UBAP2L: variants seen among roughly 807,000 people sequenced by gnomAD.
UBAP2L encodes the protein ubiquitin-associated protein 2-like.
In UBAP2L, 12 loss-of-function variants were observed where a neutral mutation model predicts 130.6. The ratio of observed to expected loss-of-function variants is 0.09; its 90% CI spans 0.06 to 0.15. The LOEUF (loss-of-function observed/expected upper bound fraction) is 0.15, where lower values mean the gene tolerates loss of function less well. UBAP2L is among the 10% of genes least tolerant of loss of function. The probability of loss-of-function intolerance (pLI) is 1.00; values close to 1 mark genes in which losing one functional copy is unlikely to be tolerated. For missense variants in UBAP2L, 965 were observed against 1,332.5 expected (o/e 0.72, Z 4.29); for synonymous variants, 503 against 524.7 (o/e 0.96, Z 0.57).
In UBAP2L at chr1:154,270,846, T is replaced by C. The variant is rs1402586878; in HGVS notation, c.*551T>C. On this transcript the variant is annotated 3_prime_UTR_variant, in exon 27 of 27. Transcript: ENST00000428931. The stretch of plus-strand genomic sequence containing the variant: ...CTTGTATATATAAAAAGAAAACCTC[T>C]ACCTTCAGCCTCTGCCTATTCTTGC... 1 of 1,426,202 alleles carries C rather than the reference T, an allele frequency of 7.0e-7. No homozygotes were observed. The highest frequency in any genetic ancestry group is 3.2e-5 in the East Asian group (1 of 31,084). The allele number at this position is 1,426,202 out of a possible 1,614,324, so 88.3% of individuals were successfully genotyped here.
intron 24 of UBAP2L, among the ~76,000 whole-genome samples, chr1:154,264,292 G>A (rs1201280466): frequency 6.6e-6 from 1 of 152,104 alleles, no homozygotes; most frequent in Non-Finnish European, 1.5e-5. Context: ...CCTTTCCCAG[G>A]GGCTGCCATG....
intron 23 of UBAP2L, among the ~76,000 whole-genome samples, 188 bp from the exon 24 acceptor site, chr1:154,261,404 C>T (rs1047220854): frequency 2.6e-5 from 4 of 152,214 alleles, no homozygotes; most frequent in African/African-American, 9.6e-5. Flanking sequence ...TTCCTCCAAA[C>T]TACCATTTCT....
At chr1:154,253,797 A>G in intron 14 of UBAP2L, 103 bp from the exon 15 acceptor site, 2 of 1,219,954 alleles carry the variant, frequency 1.6e-6, no homozygotes, top group Non-Finnish European at 1.1e-6. Flanking sequence ...TTTCTTCTTG[A>G]TTCAAATCAA....
chr1:154,262,150 A>AT (rs1558225902), intron 24 of UBAP2L, among the ~76,000 whole-genome samples: 2 of 152,184 alleles, frequency 1.3e-5, no homozygotes, highest in African/African-American at 4.8e-5. Context: ...TACTTTTCTT[A>AT]TGTGTCCTTT....
chr1:154,251,914 A>T (rs150559650), intron 14 of UBAP2L, among the ~76,000 whole-genome samples: 164 of 152,260 alleles, frequency 1.1e-3, no homozygotes, highest in African/African-American at 3.7e-3. Flanking sequence ...AGGCAGGAGG[A>T]TTGCTTGAGG....
chr1:154,230,927 G>A (rs1328338925), intron 4 of UBAP2L, among the ~76,000 whole-genome samples: 3 of 152,216 alleles, frequency 2.0e-5, no homozygotes, highest in African/African-American at 7.2e-5. Context: ...ACAGTTTCCT[G>A]AAACTTGCCA....
At chr1:154,263,325 A>G in intron 24 of UBAP2L, 2 of 1,421,350 alleles carry the variant, frequency 1.4e-6, no homozygotes, top group Non-Finnish European at 9.1e-7. Context: ...CCCCTCCCCC[A>G]TTTCCCTCTC....
chr1:154,266,793 TG>T (rs149539347), intron 25 of UBAP2L, among the ~76,000 whole-genome samples: 2,527 of 152,270 alleles, frequency 0.017, 79 homozygotes, highest in African/African-American at 0.058. Flanking sequence ...AGGTAAAGCG[TG>T]GCAAATTGTT....
At chr1:154,224,981 TC>T (rs939932375) in intron 1 of UBAP2L, 102 bp from the exon 2 acceptor site, 1 of 662,842 alleles carries the variant, frequency 1.5e-6, no homozygotes, top group African/African-American at 1.8e-5. Flanking sequence ...ATTGATTTGT[TC>T]CTTTGAAGAA....
At chr1:154,244,070 T>C (rs1413826393) in intron 10 of UBAP2L, among the ~76,000 whole-genome samples, 1 of 152,212 alleles carries the variant, frequency 6.6e-6, no homozygotes, top group Admixed American at 6.5e-5. Context: ...ATAAACGTTT[T>C]AGAATTTAAA....
At chr1:154,260,223 C>G (rs1681076741) in intron 22 of UBAP2L, among the ~76,000 whole-genome samples, 194 bp downstream of exon 22, 2 of 152,216 alleles carry the variant, frequency 1.3e-5, no homozygotes, top group Middle Eastern at 3.4e-3. Context: ...TAGATGATAT[C>G]TTAGCCAGGC....
chr1:154,249,822 C>T (rs549105651), intron 12 of UBAP2L, among the ~76,000 whole-genome samples: 3 of 147,810 alleles, frequency 2.0e-5, no homozygotes, highest in African/African-American at 5.1e-5. Flanking sequence ...CCTGTGGTCC[C>T]AGCCCCTAGT....
intron 24 of UBAP2L, among the ~76,000 whole-genome samples, chr1:154,265,276 G>C (rs1474389913): frequency 6.6e-6 from 1 of 152,140 alleles, no homozygotes; most frequent in Non-Finnish European, 1.5e-5. Flanking sequence ...TTTGAATTGT[G>C]GGTGAATGGA....
intron 15 of UBAP2L, 31 bp downstream of exon 15, chr1:154,254,120 T>G: frequency 4.7e-6 from 7 of 1,481,004 alleles, no homozygotes; most frequent in Non-Finnish European, 6.3e-6. Context: ...TGGGAATTGG[T>G]TAGGAGAATA....
At position 154,235,061 on chromosome 1, in the gene UBAP2L, CGTT is replaced by C. The variant is rs199944523; in HGVS notation, c.449-131_449-129del. On this transcript the variant is annotated intron_variant, in intron 5 of 26. Coordinates refer to ENST00000428931, the MANE Select transcript of UBAP2L (RefSeq NM_014847.4). ...CCATCCTTCCAGCTCATTTTCTCTTCGTTGTTTTTTTAATTCCCAATACCATAT... is the reference window on the plus strand; with the variant it reads ...CCATCCTTCCAGCTCATTTTCTCTTCGTTTTTTTAATTCCCAATACCATAT... 3.4e-3 allele frequency: 2,267 copies of C among 658,892 alleles called. 86 individuals are homozygous for C. The East Asian group carries it at 0.049, about 14-fold the overall frequency. The allele number at this position is 658,892 out of a possible 1,614,324, so 40.8% of individuals were successfully genotyped here.
At chr1:154,237,886 C>A (rs1450468054) in intron 8 of UBAP2L, among the ~76,000 whole-genome samples, 1 of 152,144 alleles carries the variant, frequency 6.6e-6, no homozygotes, top group South Asian at 2.1e-4. Flanking sequence ...GGGGTGGATA[C>A]GTGTGCCACT....
chr1:154,264,419 G>A (rs1200857283), intron 24 of UBAP2L, among the ~76,000 whole-genome samples: 3 of 152,164 alleles, frequency 2.0e-5, no homozygotes, highest in Non-Finnish European at 2.9e-5. Flanking sequence ...GAACTCTGTA[G>A]TCTGAAGATC....
At position 154,241,739 on chromosome 1, in the gene UBAP2L, A is replaced by T; in HGVS notation, c.756+174A>T. 3 of 985,376 alleles carry T rather than the reference A, an allele frequency of 3.0e-6. No individual in the cohort carries two copies. The South Asian group carries it at 1.4e-4, about 46-fold the overall frequency. 61.0% of individuals were successfully genotyped at this position (985,376 alleles called of 1,614,324 possible). On this transcript the variant is annotated intron_variant, in intron 9 of 26. Coordinates refer to ENST00000428931, the MANE Select transcript of UBAP2L (RefSeq NM_014847.4). ...ACATTTCACATATGTTATATGAAGG[A>T]GACTGGGCATGAACAGGACTCTGTG...
intron 17 of UBAP2L, 86 bp downstream of exon 17, chr1:154,255,412 A>G (rs1229282445): frequency 6.6e-7 from 1 of 1,510,424 alleles, no homozygotes; most frequent in Non-Finnish European, 9.0e-7. Context: ...GACCTGGCAG[A>G]GACCACATTA....
Sources: allele counts gnomAD v4.1 joint callset (sites outside exome capture counted in the v4.1 genomes callset), GRCh38; gene constraint gnomAD v4.1.1; transcripts MANE v1.5; gene names NCBI Gene and HGNC (gene_info 2026-07-23, HGNC 2026-07-21).